Variants in MYO7B observed in about 807,000 individuals in gnomAD.
MYO7B encodes the protein unconventional myosin-VIIb.
In MYO7B, 212 loss-of-function variants were observed where a neutral mutation model predicts 259.7. That is an observed-to-expected ratio of 0.82 (90% CI 0.73 to 0.91). The LOEUF (loss-of-function observed/expected upper bound fraction) is 0.91. Among genes scored for constraint, MYO7B ranks in the 40% least tolerant of loss-of-function variants. The pLI is 0.00. For synonymous variants in MYO7B, 1,197 were observed against 1,166.4 expected (o/e 1.03, Z -0.54); for missense variants, 2,732 against 2,813.5 (o/e 0.97, Z 0.66).
At chr2:127,634,411 G>A in intron 41 of MYO7B, 122 bp downstream of exon 41, 1 of 934,742 alleles carries the variant, frequency 1.1e-6, no homozygotes, top group Non-Finnish European at 1.6e-6. Flanking sequence ...GCACGGCCAG[G>A]GCTGCTGGGA....
At chr2:127,544,043 T>A (rs1301035760) in intron 1 of MYO7B, among the ~76,000 whole-genome samples, 3 of 152,096 alleles carry the variant, frequency 2.0e-5, no homozygotes, top group Non-Finnish European at 4.4e-5. Context: ...AGTGCTGGGA[T>A]TACAGGCTAG....
chr2:127,610,993 T>A (rs1161276917), intron 24 of MYO7B, among the ~76,000 whole-genome samples: 1 of 152,202 alleles, frequency 6.6e-6, no homozygotes, highest in Non-Finnish European at 1.5e-5. Context: ...TTTCTGAGGG[T>A]CAGGAGCAGC....
At chr2:127,635,696 G>A in intron 43 of MYO7B, 26 bp from the exon 44 acceptor site, 2 of 1,582,498 alleles carry the variant, frequency 1.3e-6, no homozygotes, top group Admixed American at 1.8e-5. Context: ...TGGAGACCCA[G>A]CATGCCCAGT....
Position 127,593,656 on chromosome 2 carries a change from A to G in MYO7B, c.2244+12A>G. 1 of 1,612,462 alleles carries G rather than the reference A, an allele frequency of 6.2e-7. No individual in the cohort carries two copies. Among genetic ancestry groups the G allele is most frequent in the Non-Finnish European group, 8.5e-7 (1 of 1,178,976 alleles). On this transcript the variant is annotated intron_variant, in intron 18 of 47. Transcript: ENST00000409816. ...AAATTTTCCTGAGGGTGAGACCCCG[A>G]GGAACCAGCCAGCTGTCGGCCTCCT...
rs750122876 is a variant in MYO7B at position 127,565,305 on chromosome 2, G to A, written c.205G>A (p.Asp69Asn). The A allele has an allele frequency of 1.7e-5, 27 of 1,614,042 alleles. No individual in the cohort carries two copies. Among genetic ancestry groups the A allele is most frequent in the Admixed American group, 3.3e-5 (2 of 60,034 alleles). ...CCCCAACTCAGTCCAGGGTGTGGAC[G>A]ACATGATCCGCCTGGGGGACCTGAA... ...MHPNSVQGVD[D>N]MIRLGDLNEA... Residue 69 changes from aspartate (D) to asparagine (N), a missense_variant, in exon 4 of 48, where the codon GAC becomes AAC. This residue lies in a region of MYO7B where 1,906 missense variants were observed against 2,026.4 expected (regional missense o/e 0.94). Transcript: ENST00000409816.
chr2:127,559,751 T>C lies in MYO7B; in HGVS notation c.18+11T>C, dbSNP rs759316863. 21 of 1,613,796 alleles carry C rather than the reference T, an allele frequency of 1.3e-5. No homozygotes were observed. Among genetic ancestry groups the C allele is most frequent in the Non-Finnish European group, 7.6e-6 (9 of 1,179,858 alleles). Reference sequence around the variant, plus strand: ...TCGGGGTTCAGGCTGGTAAGAATTGTATGATTTGATCTAGGGGTTATTGGT... The same window carrying C: ...TCGGGGTTCAGGCTGGTAAGAATTGCATGATTTGATCTAGGGGTTATTGGT... On this transcript the variant is annotated intron_variant, in intron 2 of 47. Transcript: ENST00000409816. The surrounding 1 kb of genome is among the most constrained non-coding windows in gnomAD (Gnocchi z 4.1).
At chr2:127,620,589 GCC>G in intron 27 of MYO7B, 123 bp downstream of exon 27, 3 of 1,194,478 alleles carry the variant, frequency 2.5e-6, no homozygotes, top group Non-Finnish European at 3.3e-6. Flanking sequence ...GCTCCTGCAG[GCC>G]AGATGGGCAG....
In MYO7B at chr2:127,635,047, G is replaced by C. The variant is rs146138547; in HGVS notation, c.5714-73G>C. On this transcript the variant is annotated intron_variant, in intron 42 of 47. Transcript: ENST00000409816. ...GGCAGGGAGGTGGCAGGCGCAGTGT[G>C]GGGGGTGGCAGGGGGTCAGGGCTGG... 7.4e-3 allele frequency: 9,013 copies of C among 1,225,364 alleles called. 96 individuals carry two copies. The highest frequency in any genetic ancestry group is 0.036 in the Middle Eastern group (192 of 5,350). The allele number at this position is 1,225,364 out of a possible 1,614,324, so 75.9% of individuals were successfully genotyped here. A position where few individuals can be genotyped will look rare whatever the true frequency, so the allele number is the denominator to read the frequency against.
chr2:127,625,643 CT>C (rs1681072452), intron 31 of MYO7B, 108 bp downstream of exon 31: 19 of 1,226,830 alleles, frequency 1.5e-5, no homozygotes, highest in Non-Finnish European at 2.0e-5. Flanking sequence ...CCCCCACCCC[CT>C]GGGGAACAAC....
chr2:127,627,493 G>C lies in MYO7B; in HGVS notation c.4460+183G>C, dbSNP rs569099789. ...GAGCCCCACCCTCCTGCACCAGGCC[G>C]TACTGCCCATGAAGTACTCCATTGG... On this transcript the variant is annotated intron_variant, in intron 33 of 47. Coordinates refer to ENST00000409816, the MANE Select transcript of MYO7B (RefSeq NM_001393586.1). This position sits in a 1 kb window ranked among gnomAD's most constrained non-coding sequence, Gnocchi z 5.6. 1.2e-6 allele frequency: 1 copy of C among 845,678 alleles called. No individual in the cohort carries two copies. The highest frequency in any genetic ancestry group is 1.9e-6 in the Non-Finnish European group (1 of 520,692). The allele number at this position is 845,678 out of a possible 1,614,324, so 52.4% of individuals were successfully genotyped here.
Position 127,546,770 on chromosome 2 carries a change from A to T in MYO7B, c.-24+10939A>T, listed in dbSNP as rs1401559236. 1.3e-5 allele frequency among the ~76,000 whole-genome samples: 2 copies of T among 148,920 alleles called. No homozygotes were observed. Among genetic ancestry groups the T allele is most frequent in the African/African-American group, 2.5e-5 (1 of 40,204 alleles). On this transcript the variant is annotated intron_variant, in intron 1 of 47. Coordinates refer to ENST00000409816, the MANE Select transcript of MYO7B (RefSeq NM_001393586.1). This position sits in a 1 kb window ranked among gnomAD's most constrained non-coding sequence, Gnocchi z 4.2. The stretch of plus-strand genomic sequence containing the variant: ...CCTGCTTTCCTGGGTAGGTCCATCC[A>T]TCCATCCATCCATCCATCCATCCAT...
chr2:127,574,429 A>G (rs1207738376), intron 7 of MYO7B, among the ~76,000 whole-genome samples: 1 of 152,194 alleles, frequency 6.6e-6, no homozygotes, highest in African/African-American at 2.4e-5. Context: ...AATCCCAGCT[A>G]CTTGGGAAGC....
chr2:127,629,454 T>G (rs1205791367), intron 34 of MYO7B, among the ~76,000 whole-genome samples, 191 bp from the exon 35 acceptor site: 1 of 152,110 alleles, frequency 6.6e-6, no homozygotes, highest in African/African-American at 2.4e-5. Context: ...TCTGTGCCTG[T>G]GCAGCTGCAG....
intron 2 of MYO7B, 144 bp from the exon 3 acceptor site, chr2:127,564,009 A>G (rs914703907): frequency 1.9e-5 from 11 of 573,272 alleles, no homozygotes; most frequent in Non-Finnish European, 2.8e-5. Flanking sequence ...GAGATGGGAG[A>G]GGGGAGGAGA....
rs1558818917 is a variant in MYO7B at position 127,588,385 on chromosome 2, TC to T, written c.1691-5del. On this transcript the variant is annotated splice_region_variant and splice_polypyrimidine_tract_variant and intron_variant, in intron 14 of 47. Transcript: ENST00000409816. ...TGGGATGCTGGGTGGGCCCTGTGTC[TC>T]CACAGGCTTCCTGGAGAAGAACCGA... The T allele has an allele frequency of 2.5e-6, 4 of 1,611,028 alleles. No homozygotes were observed. In the African/African-American group the frequency reaches 5.3e-5, roughly 22 times the overall value.
At chr2:127,564,577 C>T (rs1021814679) in intron 3 of MYO7B, among the ~76,000 whole-genome samples, 16 of 152,098 alleles carry the variant, frequency 1.1e-4, no homozygotes, top group African/African-American at 3.4e-4. Context: ...AGGGGCAGGA[C>T]GGGGCAAAAT....
chr2:127,584,585 G>A lies in MYO7B; in HGVS notation c.1555-193G>A, dbSNP rs1679229532. The stretch of plus-strand genomic sequence containing the variant: ...CTGGTGGTGGAGGGCGGCAGACCCG[G>A]CCTCTGCTCCCAGCTCAGCCCTCAC... On this transcript the variant is annotated intron_variant, in intron 13 of 47. Transcript: ENST00000409816. This position sits in a 1 kb window ranked among gnomAD's most constrained non-coding sequence, Gnocchi z 5.8. Among the ~76,000 whole-genome samples the A allele has an allele frequency of 6.6e-6, 1 of 152,092 alleles. No individual in the cohort carries two copies. Among genetic ancestry groups the A allele is most frequent in the South Asian group, 2.1e-4 (1 of 4,826 alleles).
Position 127,628,554 on chromosome 2 carries a change from T to C in MYO7B, c.4624+19T>C. The C allele has an allele frequency of 4.3e-5, 2 of 46,888 alleles. No individual in the cohort carries two copies. Among genetic ancestry groups the C allele is most frequent in the Non-Finnish European group, 8.0e-5 (2 of 25,038 alleles). 2.9% of individuals were successfully genotyped at this position (46,888 alleles called of 1,614,324 possible). A position where few individuals can be genotyped will look rare whatever the true frequency, so the allele number is the denominator to read the frequency against. ...GCCACAGGTGCCAGACTGGGTGGGG[T>C]GGGGTGGGGTGGGGTGGGGTGGGGG... On this transcript the variant is annotated intron_variant, in intron 34 of 47. Transcript: ENST00000409816. The surrounding 1 kb of genome is among the most constrained non-coding windows in gnomAD (Gnocchi z 4.8).
At position 127,593,654 on chromosome 2, in the gene MYO7B, C is replaced by T. The variant is rs370672293; in HGVS notation, c.2244+10C>T. 6.2e-6 allele frequency: 10 copies of T among 1,612,362 alleles called. No homozygotes were observed. Among genetic ancestry groups the T allele is most frequent in the African/African-American group, 1.3e-5 (1 of 74,912 alleles). On this transcript the variant is annotated intron_variant, in intron 18 of 47. Transcript: ENST00000409816. ...AAAAATTTTCCTGAGGGTGAGACCCCGAGGAACCAGCCAGCTGTCGGCCTC... is the reference window on the plus strand; with the variant it reads ...AAAAATTTTCCTGAGGGTGAGACCCTGAGGAACCAGCCAGCTGTCGGCCTC...
Sources: allele counts gnomAD v4.1 joint callset (sites outside exome capture counted in the v4.1 genomes callset), GRCh38; gene constraint gnomAD v4.1.1; regional missense constraint gnomAD v4.1.1; non-coding constraint Gnocchi (gnomAD v3.1); transcripts MANE v1.5; gene names NCBI Gene and HGNC (gene_info 2026-07-23, HGNC 2026-07-21).